PDZD2: variants seen among roughly 807,000 people sequenced by gnomAD.
PDZD2 encodes PDZ domain containing 2.
Under a neutral mutation model 220.7 loss-of-function variants are expected in PDZD2, and 90 were observed. That is an observed-to-expected ratio of 0.41 (90% CI 0.34 to 0.49). The LOEUF is 0.49. Ranked by LOEUF, PDZD2 falls within the 20% of genes least tolerant of loss-of-function variation. PDZD2 has a pLI of 0.28. For missense variants in PDZD2, 3,174 were observed against 3,608.5 expected (o/e 0.88, Z 3.08); for synonymous variants, 1,375 against 1,450.5 (o/e 0.95, Z 1.18).
Position 32,000,324 on chromosome 5 carries a change from G to C in PDZD2, c.1254+53G>C. 2 of 1,586,914 alleles carry C rather than the reference G, an allele frequency of 1.3e-6. No individual in the cohort carries two copies. The highest frequency in any genetic ancestry group is 1.7e-6 in the Non-Finnish European group (2 of 1,155,926). On this transcript the variant is annotated intron_variant, in intron 5 of 24. Transcript: ENST00000438447. The surrounding 1 kb of genome is among the most constrained non-coding windows in gnomAD (Gnocchi z 4.5). Reference sequence around the variant, plus strand: ...GTAATGGTGGCAGTGGTGAGTTGGGGTTGAGCCCCACCTCCCATGCCACAC... The same window carrying C: ...GTAATGGTGGCAGTGGTGAGTTGGGCTTGAGCCCCACCTCCCATGCCACAC...
At chr5:31,738,009 A>G (rs1207029336) in intron 1 of PDZD2, among the ~76,000 whole-genome samples, 1 of 152,260 alleles carries the variant, frequency 6.6e-6, no homozygotes, top group East Asian at 1.9e-4. Flanking sequence ...GCAAGCTTCA[A>G]TCACCATGGA....
At chr5:31,931,931 C>G (rs1303064745) in intron 2 of PDZD2, among the ~76,000 whole-genome samples, 1 of 152,140 alleles carries the variant, frequency 6.6e-6, no homozygotes, top group Non-Finnish European at 1.5e-5. Flanking sequence ...ATTCTGAACC[C>G]TTTCCATTAA....
chr5:31,662,660 G>T (rs371326762), intron 1 of PDZD2, among the ~76,000 whole-genome samples: 1 of 152,046 alleles, frequency 6.6e-6, no homozygotes, highest in Non-Finnish European at 1.5e-5. Context: ...GACGGAGTCT[G>T]GCTCTGTAGC....
intron 1 of PDZD2, among the ~76,000 whole-genome samples, chr5:31,723,869 C>T (rs1338003703): frequency 3.3e-5 from 5 of 152,116 alleles, no homozygotes; most frequent in South Asian, 2.1e-4. Context: ...CCGCCCACCT[C>T]GACCTCCCAA....
At chr5:31,710,539 C>T (rs1315522053) in intron 1 of PDZD2, among the ~76,000 whole-genome samples, 1 of 152,084 alleles carries the variant, frequency 6.6e-6, no homozygotes, top group Non-Finnish European at 1.5e-5. Flanking sequence ...GAGATATGGC[C>T]AGGCGTGGTG....
At chr5:31,656,770 ATCAGAT>A (rs749391535) in intron 1 of PDZD2, among the ~76,000 whole-genome samples, 14 of 152,326 alleles carry the variant, frequency 9.2e-5, no homozygotes, top group Middle Eastern at 3.4e-3. Context: ...TGTTTTCTAA[ATCAGAT>A]TCAAAGTAAT....
intron 2 of PDZD2, among the ~76,000 whole-genome samples, chr5:31,875,213 C>T (rs1739194861): frequency 6.6e-6 from 1 of 152,016 alleles, no homozygotes; most frequent in African/African-American, 2.4e-5. Flanking sequence ...ATATTTAGGG[C>T]TTTTTTGGCT....
chr5:31,689,082 T>C (rs1188037738), intron 1 of PDZD2, among the ~76,000 whole-genome samples: 1 of 151,860 alleles, frequency 6.6e-6, no homozygotes, highest in Non-Finnish European at 1.5e-5. Flanking sequence ...GGGGGGTTTT[T>C]ATTTAGATAG....
intron 2 of PDZD2, among the ~76,000 whole-genome samples, chr5:31,929,165 A>G (rs1200718150): frequency 6.6e-6 from 1 of 152,054 alleles, no homozygotes; most frequent in Non-Finnish European, 1.5e-5. Context: ...AATGCTTTAG[A>G]AAGGGCATGT....
At chr5:31,901,146 G>A (rs1307987895) in intron 2 of PDZD2, among the ~76,000 whole-genome samples, 2 of 152,116 alleles carry the variant, frequency 1.3e-5, no homozygotes, top group Non-Finnish European at 2.9e-5. Flanking sequence ...GGCCGGGCAT[G>A]GTGGCTCATG....
intron 3 of PDZD2, among the ~76,000 whole-genome samples, chr5:31,987,336 AC>A (rs1407183060): frequency 6.6e-6 from 1 of 152,128 alleles, no homozygotes; most frequent in African/African-American, 2.4e-5. Context: ...ACACTACCAG[AC>A]CCTTTTCCTA....
intron 2 of PDZD2, among the ~76,000 whole-genome samples, chr5:31,920,401 C>G (rs111684143): frequency 5.7e-5 from 8 of 139,202 alleles, no homozygotes; most frequent in South Asian, 2.4e-4. Context: ...CCCCCCCCCC[C>G]CACTGGGGTG....
intron 2 of PDZD2, among the ~76,000 whole-genome samples, chr5:31,917,336 C>A (rs1369281457): frequency 6.6e-6 from 1 of 152,100 alleles, no homozygotes; most frequent in Non-Finnish European, 1.5e-5. Context: ...TTGCTTGAGG[C>A]CAGCCTGGGC....
chr5:31,773,957 A>G (rs919620867), intron 1 of PDZD2, among the ~76,000 whole-genome samples: 2 of 152,202 alleles, frequency 1.3e-5, no homozygotes, highest in African/African-American at 4.8e-5. Context: ...CAGCTGGTGA[A>G]AACCGATGTC....
chr5:31,893,586 CA>C (rs35086496), intron 2 of PDZD2, among the ~76,000 whole-genome samples: 80,736 of 151,614 alleles, frequency 0.53, 22,067 homozygotes, highest in East Asian at 0.74. Flanking sequence ...AACAAAAAGA[CA>C]AAAAAAACAG....
At chr5:31,990,376 T>C (rs1318942673) in intron 3 of PDZD2, among the ~76,000 whole-genome samples, 1 of 152,190 alleles carries the variant, frequency 6.6e-6, no homozygotes, top group Admixed American at 6.5e-5. Context: ...CCAACAACAT[T>C]AGTGCAGAAG....
chr5:32,102,825 C>A (rs1333992274), intron 24 of PDZD2, among the ~76,000 whole-genome samples: 1 of 152,156 alleles, frequency 6.6e-6, no homozygotes, highest in African/African-American at 2.4e-5. Context: ...TAGCGCATGC[C>A]TGTAGTCTCA....
At chr5:31,843,854 C>G (rs985086058) in intron 2 of PDZD2, 2 of 152,184 alleles carry the variant, frequency 1.3e-5, no homozygotes, top group African/African-American at 4.8e-5. Flanking sequence ...TCCCCTAAAG[C>G]CTGGAGAGGA....
intron 2 of PDZD2, among the ~76,000 whole-genome samples, chr5:31,970,181 C>G (rs1248354337): frequency 6.6e-6 from 1 of 152,102 alleles, no homozygotes; most frequent in Non-Finnish European, 1.5e-5. Flanking sequence ...AGACGTGAGC[C>G]ACCGCGCCCG....
Sources: allele counts gnomAD v4.1 joint callset (sites outside exome capture counted in the v4.1 genomes callset), GRCh38; gene constraint gnomAD v4.1.1; non-coding constraint Gnocchi (gnomAD v3.1); transcripts MANE v1.5; gene names NCBI Gene and HGNC (gene_info 2026-07-23, HGNC 2026-07-21).